The following SOX6 variants were observed in gnomAD, a reference collection of about 807,000 sequenced individuals.
SOX6 encodes transcription factor SOX-6.
In SOX6, 11 loss-of-function variants were observed where a neutral mutation model predicts 97.8. The observed-to-expected ratio is 0.11, with a 90% confidence interval of 0.07 to 0.19. The LOEUF (loss-of-function observed/expected upper bound fraction) is 0.19, where lower values mean the gene tolerates loss of function less well. Among genes scored for constraint, SOX6 ranks in the 10% least tolerant of loss-of-function variants. The pLI, the probability that SOX6 is intolerant of heterozygous loss-of-function variation, is 1.00. For synonymous variants in SOX6, 360 were observed against 371.4 expected (o/e 0.97, Z 0.35); for missense variants, 810 against 1,039.5 (o/e 0.78, Z 3.04).
intron 4 of SOX6, among the ~76,000 whole-genome samples, chr11:16,229,771 C>A (rs1852794458): frequency 6.6e-6 from 1 of 151,592 alleles, no homozygotes; most frequent in Non-Finnish European, 1.5e-5. Flanking sequence ...AAAGAAATCT[C>A]CAAAGAAAAT....
chr11:16,265,403 C>T (rs1854052660), intron 3 of SOX6, among the ~76,000 whole-genome samples: 2 of 151,688 alleles, frequency 1.3e-5, no homozygotes, highest in South Asian at 4.2e-4. Flanking sequence ...CTAGATAAAT[C>T]CTGCCTTATC....
In SOX6 at chr11:15,986,332, G is replaced by A. The variant is rs751440706; in HGVS notation, c.2055C>T (p.Tyr685=). ...ARLSKIHLEK[Y]PNYKYKPRPK... is the part of the protein sequence containing the mutation. ...GTCGGGGTTTGTATTTATAGTTTGG[G>A]TACTTCTCTAAGTGGATCTTGCTTA... Residue 685 remains tyrosine (Y), a synonymous_variant, in exon 15 of 16, where the codon TAC becomes TAT. Transcript: ENST00000683767. The A allele has an allele frequency of 8.1e-6, 13 of 1,613,886 alleles. No homozygotes were observed. Among genetic ancestry groups the A allele is most frequent in the Non-Finnish European group, 1.1e-5 (13 of 1,180,002 alleles).
chr11:16,334,760 A>AT (rs1856408633), intron 2 of SOX6, among the ~76,000 whole-genome samples: 1 of 152,060 alleles, frequency 6.6e-6, no homozygotes, highest in African/African-American at 2.4e-5. Flanking sequence ...GATTTTAATA[A>AT]TATGCTAGGT....
chr11:16,311,211 T>C (rs1157071059), intron 3 of SOX6: 1 of 152,168 alleles, frequency 6.6e-6, no homozygotes, highest in Non-Finnish European at 1.5e-5. Context: ...CCTATGATTC[T>C]GTCTGTGGTA....
At chr11:16,689,252 A>C (rs1266377398) in intron 3 of SOX6, among the ~76,000 whole-genome samples, 1 of 152,122 alleles carries the variant, frequency 6.6e-6, no homozygotes, top group Non-Finnish European at 1.5e-5. Context: ...ATTTTAAAGT[A>C]CTTTAAAATA....
At chr11:16,324,790 T>C (rs1475609362) in intron 2 of SOX6, among the ~76,000 whole-genome samples, 2 of 152,140 alleles carry the variant, frequency 1.3e-5, no homozygotes, top group African/African-American at 4.8e-5. Context: ...TGCAACAACA[T>C]GGATAGAGCT....
chr11:16,060,669 G>A (rs1044348789), intron 9 of SOX6, among the ~76,000 whole-genome samples: 10 of 151,706 alleles, frequency 6.6e-5, no homozygotes, highest in South Asian at 2.1e-4. Context: ...AAATAATTTC[G>A]CAGCTCACCC....
intron 4 of SOX6, among the ~76,000 whole-genome samples, chr11:16,543,683 T>C (rs1293592184): frequency 6.6e-6 from 1 of 152,164 alleles, no homozygotes; most frequent in Non-Finnish European, 1.5e-5. Context: ...AGCAAGCACA[T>C]GAAAAGATGC....
intron 4 of SOX6, among the ~76,000 whole-genome samples, chr11:16,585,977 C>T (rs757713813): frequency 9.2e-5 from 14 of 152,042 alleles, no homozygotes; most frequent in African/African-American, 3.4e-4. Context: ...GCCACTGTGC[C>T]CAGCTGAGAA....
intron 3 of SOX6, among the ~76,000 whole-genome samples, chr11:16,643,869 A>C (rs1378791491): frequency 6.7e-6 from 1 of 149,936 alleles, no homozygotes; most frequent in African/African-American, 2.5e-5. Context: ...GGGTGAGGCA[A>C]TGCCTTGCCC....
chr11:16,152,134 AC>A (rs1018589504), intron 6 of SOX6, among the ~76,000 whole-genome samples: 1 of 152,180 alleles, frequency 6.6e-6, no homozygotes, highest in African/African-American at 2.4e-5. Context: ...TTTCACCCAC[AC>A]AGTTTGCTTT....
At chr11:16,046,991 G>T (rs887208213) in intron 11 of SOX6, among the ~76,000 whole-genome samples, 1 of 152,040 alleles carries the variant, frequency 6.6e-6, no homozygotes, top group South Asian at 2.1e-4. Flanking sequence ...TACATATTGG[G>T]GGAAGGTATT....
chr11:16,374,933 T>C (rs1396755743), intron 1 of SOX6, among the ~76,000 whole-genome samples: 3 of 152,026 alleles, frequency 2.0e-5, no homozygotes, highest in Admixed American at 6.6e-5. Context: ...CATTTCTATA[T>C]TTTCTATCAC....
chr11:16,450,911 A>G (rs1859703403), intron 1 of SOX6, among the ~76,000 whole-genome samples: 1 of 152,206 alleles, frequency 6.6e-6, no homozygotes, highest in Non-Finnish European at 1.5e-5. Context: ...ACTTTTCAGT[A>G]AAAATTAGAA....
rs148845629 is a variant in SOX6 at position 16,737,828 on chromosome 11, CTAAG to C, written n.219+593_219+596del. 4.7e-3 allele frequency among the ~76,000 whole-genome samples: 714 copies of C among 152,192 alleles called. 6 individuals are homozygous for C. Among genetic ancestry groups the C allele is most frequent in the African/African-American group, 0.016 (679 of 41,502 alleles). Reference sequence around the variant, plus strand: ...ACAGCTGCACACGATTGTGAATGTACTAAGTGACAGTGGATTGTACACTTTTTAA... The same window carrying C: ...ACAGCTGCACACGATTGTGAATGTACTGACAGTGGATTGTACACTTTTTAA... On this transcript the variant is annotated intron_variant and non_coding_transcript_variant, in intron 1 of 5. Transcript: ENST00000524520.
chr11:16,172,534 C>T (rs1460232691), intron 6 of SOX6, among the ~76,000 whole-genome samples: 1 of 152,038 alleles, frequency 6.6e-6, no homozygotes, highest in African/African-American at 2.4e-5. Flanking sequence ...TCTCATCATT[C>T]CAGACCCTTC....
At chr11:16,163,247 A>C (rs141504137) in intron 6 of SOX6, among the ~76,000 whole-genome samples, 345 of 152,314 alleles carry the variant, frequency 2.3e-3, no homozygotes, top group African/African-American at 8.1e-3. Flanking sequence ...TGCTATATGC[A>C]TGTATTGGGT....
chr11:16,595,342 T>C (rs971694091), intron 4 of SOX6, among the ~76,000 whole-genome samples: 2 of 152,164 alleles, frequency 1.3e-5, no homozygotes, highest in Non-Finnish European at 2.9e-5. Context: ...GTCGCAGTCA[T>C]ATAAGCTGCA....
At chr11:16,207,019 A>C (rs1006298099) in intron 4 of SOX6, among the ~76,000 whole-genome samples, 8 of 152,022 alleles carry the variant, frequency 5.3e-5, no homozygotes, top group African/African-American at 1.9e-4. Context: ...TTGACATCCA[A>C]ATTTAGCACA....
Sources: gnomAD v4.1 joint callset for allele counts (sites outside exome capture counted in the v4.1 genomes callset) on GRCh38, gnomAD v4.1.1 for gene constraint, MANE v1.5 for transcripts, NCBI Gene and HGNC (gene_info 2026-07-23, HGNC 2026-07-21) for gene names.